The following NT5E variants were observed in gnomAD, a reference collection of about 807,000 sequenced individuals.
NT5E encodes 5'-nucleotidase.
In NT5E, 53 loss-of-function variants were observed where a neutral mutation model predicts 55.1. The ratio of observed to expected loss-of-function variants is 0.96; its 90% CI spans 0.77 to 1.21. NT5E has a LOEUF of 1.21. Among genes scored for constraint, NT5E ranks in the 50% most tolerant of loss-of-function variants. The pLI, the probability that NT5E is intolerant of heterozygous loss-of-function variation, is 0.00. For missense variants in NT5E, 683 were observed against 724.3 expected (o/e 0.94, Z 0.65); for synonymous variants, 270 against 278.4 (o/e 0.97, Z 0.30).
intron 1 of NT5E, among the ~76,000 whole-genome samples, chr6:85,463,284 A>T (rs1403218712): frequency 1.3e-5 from 2 of 152,200 alleles, no homozygotes; most frequent in African/African-American, 4.8e-5. Flanking sequence ...ACAAGATGTC[A>T]TAGGGATAGA....
intron 1 of NT5E, among the ~76,000 whole-genome samples, chr6:85,452,079 T>A (rs1768871265): frequency 6.6e-6 from 1 of 152,236 alleles, no homozygotes; most frequent in African/African-American, 2.4e-5. Flanking sequence ...TGTGGTCTCT[T>A]AAGCATTGGT....
At chr6:85,472,348 C>T (rs1769331870) in intron 3 of NT5E, among the ~76,000 whole-genome samples, 2 of 152,032 alleles carry the variant, frequency 1.3e-5, no homozygotes, top group Non-Finnish European at 2.9e-5. Flanking sequence ...TAGGAAATAC[C>T]CAAAAACATT....
chr6:85,460,402 C>T (rs1384147985), intron 1 of NT5E, among the ~76,000 whole-genome samples: 1 of 152,126 alleles, frequency 6.6e-6, no homozygotes, highest in Non-Finnish European at 1.5e-5. Flanking sequence ...CCATCCTGTA[C>T]TAATATAATA....
chr6:85,483,018 C>T (rs1271246191), intron 3 of NT5E, among the ~76,000 whole-genome samples: 4 of 152,212 alleles, frequency 2.6e-5, no homozygotes, highest in African/African-American at 9.6e-5. Context: ...AAGGTCTTTC[C>T]AAATGAATGA....
chr6:85,490,700 T>C (rs374301341), intron 7 of NT5E, 43 bp downstream of exon 7: 27 of 1,609,526 alleles, frequency 1.7e-5, no homozygotes, highest in Non-Finnish European at 2.1e-5. Flanking sequence ...CAAAGTGACA[T>C]GGCATTTCCT....
At chr6:85,453,110 A>T (rs1297356247) in intron 1 of NT5E, among the ~76,000 whole-genome samples, 1 of 152,122 alleles carries the variant, frequency 6.6e-6, no homozygotes, top group Non-Finnish European at 1.5e-5. Context: ...TGGAACCACT[A>T]CTAGGCAGAA....
In NT5E at chr6:85,452,920, A is replaced by C. The variant is rs538237862; in HGVS notation, c.339+2442A>C. Reference sequence around the variant, plus strand: ...CTCCAGTTTCCTGGAGACTGGACCTAGTTCAAAGGAGCCACATAAAAGGAC... The same window carrying C: ...CTCCAGTTTCCTGGAGACTGGACCTCGTTCAAAGGAGCCACATAAAAGGAC... On this transcript the variant is annotated intron_variant, in intron 1 of 8. Transcript: ENST00000257770. Among the ~76,000 whole-genome samples, 3 of 152,292 alleles carry C rather than the reference A, an allele frequency of 2.0e-5. No individual in the cohort carries two copies. In the South Asian group the frequency reaches 6.2e-4, roughly 32 times the overall value.
At chr6:85,483,700 G>C (rs1290578375) in intron 3 of NT5E, among the ~76,000 whole-genome samples, 2 of 152,200 alleles carry the variant, frequency 1.3e-5, no homozygotes, top group Non-Finnish European at 2.9e-5. Flanking sequence ...AAGGGGGGCT[G>C]CTCTTGACAT....
At chr6:85,484,059 G>C (rs1769601043) in intron 3 of NT5E, among the ~76,000 whole-genome samples, 1 of 152,200 alleles carries the variant, frequency 6.6e-6, no homozygotes, top group Non-Finnish European at 1.5e-5. Context: ...CCCATGGGAA[G>C]CTTGGAGGAC....
intron 3 of NT5E, among the ~76,000 whole-genome samples, chr6:85,476,622 A>G (rs1769443016): frequency 6.6e-6 from 1 of 152,188 alleles, no homozygotes; most frequent in African/African-American, 2.4e-5. Flanking sequence ...ACCAGGAAGG[A>G]TCAGCTTGCA....
chr6:85,489,460 GA>G, intron 5 of NT5E, 33 bp from the exon 6 acceptor site: 1 of 1,457,886 alleles, frequency 6.9e-7, no homozygotes. Flanking sequence ...AGAAGAGCCA[GA>G]GTAACTAGTG....
intron 1 of NT5E, among the ~76,000 whole-genome samples, chr6:85,451,520 A>C (rs1768857256): frequency 6.6e-6 from 1 of 152,190 alleles, no homozygotes; most frequent in African/African-American, 2.4e-5. Context: ...AAAAAAAATA[A>C]AACCACCACC....
intron 5 of NT5E, among the ~76,000 whole-genome samples, chr6:85,488,881 CTTTT>C (rs71679910): frequency 2.9e-5 from 3 of 102,706 alleles, no homozygotes; most frequent in African/African-American, 6.7e-5. Context: ...TATGCCTGGC[CTTTT>C]TTTTTTTTTT....
chr6:85,454,583 G>A (rs1489179427), intron 1 of NT5E, among the ~76,000 whole-genome samples: 6 of 152,128 alleles, frequency 3.9e-5, no homozygotes, highest in Non-Finnish European at 8.8e-5. Context: ...TTTAGACATT[G>A]CAAATATATT....
Position 85,450,248 on chromosome 6 carries a change from GT to G in NT5E, c.110del (p.Val37GlyfsTer69), listed in dbSNP as rs1289563797. 1 of 1,609,576 alleles carries G rather than the reference GT, an allele frequency of 6.2e-7. No individual in the cohort carries two copies. Among genetic ancestry groups the G allele is most frequent in the Non-Finnish European group, 8.5e-7 (1 of 1,178,986 alleles). ...GCTTACGATTTTGCACACCAACGAC[GT>G]GCACAGCCGGCTGGAGCAGACCAGC... Reference protein sequence around the residue: ...WELTILHTNDVHSRLEQTSED... With the variant: ...WELTILHTNDXHSRLEQTSED... On this transcript the variant is annotated frameshift_variant, in exon 1 of 9. Transcript: ENST00000257770. LOFTEE classifies it high-confidence loss of function. The surrounding 1 kb of genome is among the most constrained non-coding windows in gnomAD (Gnocchi z 4.0).
chr6:85,463,236 G>C (rs1769127891), intron 1 of NT5E, among the ~76,000 whole-genome samples: 1 of 152,146 alleles, frequency 6.6e-6, no homozygotes, highest in African/African-American at 2.4e-5. Context: ...TTACAGAAAA[G>C]TGCATTTGGT....
chr6:85,488,459 A>G (rs1464380705), intron 5 of NT5E, among the ~76,000 whole-genome samples: 1 of 152,234 alleles, frequency 6.6e-6, no homozygotes, highest in Non-Finnish European at 1.5e-5. Flanking sequence ...AAGCTGGTAT[A>G]TAAATGTTAA....
chr6:85,489,574 G>A lies in NT5E; in HGVS notation c.1185G>A (p.Arg395=), dbSNP rs756910076. ...GCATTTTAAATGGAGGTGGTATCCG[G>A]TCGCCCATTGATGAACGCAACAATG... ...SMCILNGGGI[R]SPIDERNNGT... The change falls in exon 6 of 9, where the codon CGG becomes CGA. Residue 395 remains arginine, a synonymous_variant. Transcript: ENST00000257770. 8.1e-6 allele frequency: 13 copies of A among 1,613,550 alleles called. No individual in the cohort carries two copies. In the South Asian group the frequency reaches 1.3e-4, roughly 16 times the overall value.
chr6:85,465,350 A>G (rs1377892058), intron 1 of NT5E, among the ~76,000 whole-genome samples: 1 of 152,244 alleles, frequency 6.6e-6, no homozygotes, highest in Admixed American at 6.5e-5. Context: ...CTGTAGAAAC[A>G]TTCATTAAAA....
Sources: allele counts gnomAD v4.1 joint callset (sites outside exome capture counted in the v4.1 genomes callset), GRCh38; gene constraint gnomAD v4.1.1; non-coding constraint Gnocchi (gnomAD v3.1); transcripts MANE v1.5; gene names NCBI Gene and HGNC (gene_info 2026-07-23, HGNC 2026-07-21).